ASTN2: variants seen among roughly 807,000 people sequenced by gnomAD.
The protein encoded by ASTN2 is astrotactin-2.
ASTN2 carries 54 observed loss-of-function variants against 139.8 expected under a neutral mutation model. The ratio of observed to expected loss-of-function variants is 0.39; its 90% CI spans 0.31 to 0.48. ASTN2 has a LOEUF of 0.48. Ranked by LOEUF, ASTN2 falls within the 20% of genes least tolerant of loss-of-function variation. The probability of loss-of-function intolerance (pLI) is 0.95; values close to 1 mark genes in which losing one functional copy is unlikely to be tolerated. For missense variants in ASTN2, 1,565 were observed against 1,725.1 expected, an observed-to-expected ratio of 0.91 and a Z score of 1.64; for synonymous variants, 756 against 719.5, an observed-to-expected ratio of 1.05 and a Z score of -0.81.
At chr9:116,987,508 A>G (rs932375042) in intron 7 of ASTN2, among the ~76,000 whole-genome samples, 36 of 151,780 alleles carry the variant, frequency 2.4e-4, no homozygotes, top group African/African-American at 8.5e-4. Flanking sequence ...TTTTCCCTTC[A>G]CCTTCTGCCA....
intron 19 of ASTN2, among the ~76,000 whole-genome samples, chr9:116,502,682 AGAAGGAAGGAAG>A (rs60618068): frequency 0.056 from 5,375 of 96,356 alleles, 261 homozygotes; most frequent in East Asian, 0.074. Context: ...AAGAAAGGAA[AGAAGGAAGGAAG>A]GAAGGAAGGA....
rs576845225 is a variant in ASTN2, at chr9:116,728,268, A to T, written c.2626+724T>A. Among the ~76,000 whole-genome samples, 141 of 152,330 alleles carry T rather than the reference A, an allele frequency of 9.3e-4. 2 individuals are homozygous for T. Among genetic ancestry groups the T allele is most frequent in the African/African-American group, 3.3e-3 (139 of 41,564 alleles). Reference sequence around the variant, plus strand: ...GGTCATAGACAAGATTCCAATATAAATCAAGGACTTGTTAATGTCTTGATA... The same window carrying T: ...GGTCATAGACAAGATTCCAATATAATTCAAGGACTTGTTAATGTCTTGATA... On this transcript the variant is annotated intron_variant, in intron 15 of 22. Coordinates refer to ENST00000313400, the MANE Select transcript of ASTN2 (RefSeq NM_001365068.1).
chr9:116,504,890 T>C (rs1283205197), intron 19 of ASTN2, among the ~76,000 whole-genome samples: 10 of 96,942 alleles, frequency 1.0e-4, no homozygotes, highest in Admixed American at 1.0e-3. Context: ...AGTGAAATCC[T>C]GTCTCAAAAA....
chr9:116,812,208 T>G (rs2132256790), intron 12 of ASTN2, among the ~76,000 whole-genome samples: 1 of 152,296 alleles, frequency 6.6e-6, no homozygotes, highest in African/African-American at 2.4e-5. Context: ...AATAATGGCC[T>G]CCTCAAAATG....
At chr9:117,403,456 T>C (rs1379583157) in intron 1 of ASTN2, among the ~76,000 whole-genome samples, 8 of 152,194 alleles carry the variant, frequency 5.3e-5, no homozygotes, top group African/African-American at 1.9e-4. Flanking sequence ...AGTCACCCTG[T>C]CTGGCACCTG....
chr9:117,365,802 G>A (rs1246025086), intron 1 of ASTN2, among the ~76,000 whole-genome samples: 1 of 152,220 alleles, frequency 6.6e-6, no homozygotes, highest in East Asian at 1.9e-4. Flanking sequence ...TGCCAAGGGT[G>A]AAGGCAGCTT....
chr9:116,589,150 G>C (rs17292540), intron 19 of ASTN2, among the ~76,000 whole-genome samples: 24,700 of 152,154 alleles, frequency 0.16, 2,527 homozygotes, highest in Non-Finnish European at 0.23. Context: ...TCTGGCTGTA[G>C]TTCAACATAC....
chr9:117,177,813 T>C (rs59387627), intron 3 of ASTN2, among the ~76,000 whole-genome samples: 4,173 of 152,298 alleles, frequency 0.027, 188 homozygotes, highest in African/African-American at 0.088. Flanking sequence ...TCAGCTTCCA[T>C]GTGTGGCCTC....
chr9:116,780,659 G>A (rs1377779715), intron 13 of ASTN2, among the ~76,000 whole-genome samples: 6 of 152,108 alleles, frequency 3.9e-5, no homozygotes, highest in African/African-American at 9.7e-5. Flanking sequence ...CTGGGCAAGC[G>A]TATCTATCAT....
At chr9:116,624,797 A>G (rs187335647) in intron 17 of ASTN2, among the ~76,000 whole-genome samples, 14 of 152,274 alleles carry the variant, frequency 9.2e-5, no homozygotes, top group Admixed American at 7.8e-4. Context: ...TCTCCACGGT[A>G]TTAACAAACT....
chr9:116,681,941 T>A (rs577400786), intron 16 of ASTN2, among the ~76,000 whole-genome samples: 20,405 of 150,266 alleles, frequency 0.14, 1,306 homozygotes, highest in Middle Eastern at 0.19. Flanking sequence ...AACCTAGGCA[T>A]TACCATTCAG....
intron 1 of ASTN2, among the ~76,000 whole-genome samples, chr9:117,385,637 T>C (rs888003497): frequency 2.0e-5 from 3 of 151,818 alleles, no homozygotes; most frequent in African/African-American, 7.3e-5. Context: ...CATGGTTGGG[T>C]AAGGACTGTT....
At chr9:117,211,699 C>A (rs779200918) in intron 3 of ASTN2, among the ~76,000 whole-genome samples, 13 of 152,074 alleles carry the variant, frequency 8.5e-5, no homozygotes, top group African/African-American at 2.9e-4. Context: ...TAAAAAAATT[C>A]GGAAAAGTTC....
At chr9:117,011,105 C>G (rs1018261440) in intron 6 of ASTN2, among the ~76,000 whole-genome samples, 7 of 152,282 alleles carry the variant, frequency 4.6e-5, no homozygotes, top group African/African-American at 1.7e-4. Flanking sequence ...GGAACAGGAG[C>G]TATTTTGGTT....
At chr9:116,774,995 C>A (rs577260497) in intron 13 of ASTN2, among the ~76,000 whole-genome samples, 1 of 152,120 alleles carries the variant, frequency 6.6e-6, no homozygotes. Context: ...TCAGTGCCTG[C>A]GTCATTAGCT....
chr9:117,023,475 A>G (rs768352831), intron 6 of ASTN2, among the ~76,000 whole-genome samples: 4 of 151,628 alleles, frequency 2.6e-5, no homozygotes, highest in African/African-American at 9.7e-5. Context: ...TTCTATCCCA[A>G]CTCTCCTCTA....
intron 3 of ASTN2, chr9:117,180,720 C>G: frequency 6.3e-7 from 1 of 1,594,862 alleles, no homozygotes; most frequent in Non-Finnish European, 8.5e-7. Context: ...GCAGGGCCCG[C>G]CACTTGTCCA....
chr9:117,051,661 A>G (rs182665371), intron 5 of ASTN2, among the ~76,000 whole-genome samples: 2 of 152,206 alleles, frequency 1.3e-5, no homozygotes, highest in Non-Finnish European at 2.9e-5. Flanking sequence ...TTTCAAAGAC[A>G]GATTCTGTCA....
rs377530303 is a variant in ASTN2 at position 117,013,932 on chromosome 9, T to C, written c.1424-5673A>G. Among the ~76,000 whole-genome samples the C allele has an allele frequency of 3.1e-3, 479 of 152,266 alleles. 2 individuals carry two copies. The highest frequency in any genetic ancestry group is 8.9e-3 in the South Asian group (43 of 4,830). ...TTTCAAAAGAAGGCTCTGGTCACAG[T>C]GGCAAATGGTGAGCAGAATAATGAA... On this transcript the variant is annotated intron_variant, in intron 6 of 22. Coordinates refer to ENST00000313400, the MANE Select transcript of ASTN2 (RefSeq NM_001365068.1).
Sources: allele counts gnomAD v4.1 joint callset (sites outside exome capture counted in the v4.1 genomes callset), GRCh38; gene constraint gnomAD v4.1.1; transcripts MANE v1.5; gene names NCBI Gene and HGNC (gene_info 2026-07-23, HGNC 2026-07-21).